The following PIK3CD variants were observed in gnomAD, a reference collection of about 807,000 sequenced individuals.
The protein encoded by PIK3CD is phosphatidylinositol-4,5-bisphosphate 3-kinase catalytic subunit delta, also known as phosphatidylinositol 4,5-bisphosphate 3-kinase catalytic subunit delta isoform.
PIK3CD carries 20 observed loss-of-function variants against 122.9 expected under a neutral mutation model. The ratio of observed to expected loss-of-function variants is 0.16; its 90% CI spans 0.11 to 0.24. PIK3CD has a LOEUF of 0.24. PIK3CD is among the 10% of genes least tolerant of loss of function. PIK3CD has a pLI of 1.00. For synonymous variants in PIK3CD, 596 were observed against 593.4 expected, an observed-to-expected ratio of 1.00 and a Z score of -0.06; for missense variants, 787 against 1,406.3, an observed-to-expected ratio of 0.56 and a Z score of 7.04.
In PIK3CD at chr1:9,720,914, G is replaced by GA; in HGVS notation, c.1689+5_1689+6insA. ...AAGCATGAGGATGTGGCCCAGGTGG[G>GA]TGGGGAGGCGCACCTGGGGGCGGAG... On this transcript the variant is annotated splice_donor_region_variant and intron_variant, in intron 13 of 23. Coordinates refer to ENST00000377346, the MANE Select transcript of PIK3CD (RefSeq NM_005026.5). This position sits in a 1 kb window ranked among gnomAD's most constrained non-coding sequence, Gnocchi z 9.0. 6.3e-7 allele frequency: 1 copy of GA among 1,581,236 alleles called. No individual in the cohort carries two copies. Among genetic ancestry groups the GA allele is most frequent in the East Asian group, 2.3e-5 (1 of 43,112 alleles).
the PIK3CD span, among the ~76,000 whole-genome samples, chr1:9,646,098 C>A: frequency 6.6e-6 from 1 of 151,814 alleles, no homozygotes; most frequent in East Asian, 1.9e-4. Context: ...AGGACAGAGG[C>A]CTAACGAGAC....
rs1001240461 is a variant in PIK3CD, at chr1:9,704,365, T to C, written c.-32-6059T>C. Among the ~76,000 whole-genome samples the C allele has an allele frequency of 6.6e-6, 1 of 152,196 alleles. No homozygotes were observed. The highest frequency in any genetic ancestry group is 2.4e-5 in the African/African-American group (1 of 41,444). On this transcript the variant is annotated intron_variant, in intron 2 of 23. Transcript: ENST00000377346. This position sits in a 1 kb window ranked among gnomAD's most constrained non-coding sequence, Gnocchi z 5.0. ...GTTGGAGTCCCTGGGAGCTCATGCC[T>C]CATGTGCTCATCTTGGGCCTCACCA...
the PIK3CD span, among the ~76,000 whole-genome samples, chr1:9,639,250 C>G: frequency 1.3e-5 from 2 of 151,992 alleles, no homozygotes; most frequent in Non-Finnish European, 2.9e-5. Context: ...TGGGGATTCA[C>G]GTGGGGTTAC....
At chr1:9,713,478 T>C (rs1256712774) in intron 3 of PIK3CD, among the ~76,000 whole-genome samples, 1 of 152,212 alleles carries the variant, frequency 6.6e-6, no homozygotes, top group Admixed American at 6.5e-5. Context: ...GCCTGTTTTC[T>C]CCTCTATGTA....
At chr1:9,692,648 T>C (rs1173883546) in intron 2 of PIK3CD, among the ~76,000 whole-genome samples, 1 of 152,156 alleles carries the variant, frequency 6.6e-6, no homozygotes, top group Non-Finnish European at 1.5e-5. Flanking sequence ...GAGAATCACT[T>C]GAACCCAGGA....
At chr1:9,680,916 G>A (rs983130607) in intron 1 of PIK3CD, 1 of 152,216 alleles carries the variant, frequency 6.6e-6, no homozygotes, top group Non-Finnish European at 1.5e-5. Context: ...TCGTTGGGTG[G>A]TTCCGGTCCA....
At chr1:9,714,726 G>A (rs567314096) in intron 3 of PIK3CD, among the ~76,000 whole-genome samples, 8 of 152,202 alleles carry the variant, frequency 5.3e-5, no homozygotes, top group African/African-American at 1.4e-4. Flanking sequence ...CTCCTTTCCC[G>A]TCTTCTTTGT....
At chr1:9,657,585 C>G (rs778352502) in intron 1 of PIK3CD, among the ~76,000 whole-genome samples, 3 of 151,978 alleles carry the variant, frequency 2.0e-5, no homozygotes, top group Admixed American at 6.6e-5. Context: ...CCTGGGGTCC[C>G]AGGAGCAGAA....
chr1:9,655,446 GCC>G (rs59942799), intron 1 of PIK3CD, among the ~76,000 whole-genome samples: 13 of 76,948 alleles, frequency 1.7e-4, no homozygotes, highest in African/African-American at 5.1e-4. Context: ...GGAACCCCCC[GCC>G]CCCCCCCCTT....
In PIK3CD at chr1:9,704,048, G is replaced by A. The variant is rs976715513; in HGVS notation, c.-32-6376G>A. On this transcript the variant is annotated intron_variant, in intron 2 of 23. Transcript: ENST00000377346. This position sits in a 1 kb window ranked among gnomAD's most constrained non-coding sequence, Gnocchi z 5.0. The stretch of plus-strand genomic sequence containing the variant: ...TACATATCAGAGAGCTATGGTTCTG[G>A]GCTTCATTCAGGGAAGAGTTAGGGC... Among the ~76,000 whole-genome samples, 1 of 152,098 alleles carries A rather than the reference G, an allele frequency of 6.6e-6. No individual in the cohort carries two copies. The highest frequency in any genetic ancestry group is 1.5e-5 in the Non-Finnish European group (1 of 68,032).
chr1:9,633,063 A>T, the PIK3CD span, among the ~76,000 whole-genome samples: 1 of 151,828 alleles, frequency 6.6e-6, no homozygotes, highest in Non-Finnish European at 1.5e-5. Context: ...AGGTTTCACC[A>T]TGTTAGCCAG....
At chr1:9,634,113 A>AGGTGTGTG in the PIK3CD span, among the ~76,000 whole-genome samples, 1 of 146,660 alleles carries the variant, frequency 6.8e-6, no homozygotes, top group African/African-American at 2.5e-5. Flanking sequence ...CTGGGACCAC[A>AGGTGTGTG]GGTGTGTGCC....
chr1:9,630,081 G>A, the PIK3CD span, among the ~76,000 whole-genome samples: 2 of 152,316 alleles, frequency 1.3e-5, no homozygotes, highest in South Asian at 2.1e-4. Flanking sequence ...TGGCCCACGG[G>A]GGGAGCAGAG....
rs1036585473 is a variant in PIK3CD at position 9,689,055 on chromosome 1, T to C, written c.-137-2412T>C. ...CTGGATTTGAGCCCAGAGCCCGGGC[T>C]GGCCAATTACTCGAGTGAGTCTGGC... On this transcript the variant is annotated intron_variant, in intron 1 of 23. Coordinates refer to ENST00000377346, the MANE Select transcript of PIK3CD (RefSeq NM_005026.5). This position sits in a 1 kb window ranked among gnomAD's most constrained non-coding sequence, Gnocchi z 6.1. Among the ~76,000 whole-genome samples, 6 of 152,246 alleles carry C rather than the reference T, an allele frequency of 3.9e-5. No homozygotes were observed. Among genetic ancestry groups the C allele is most frequent in the Non-Finnish European group, 7.3e-5 (5 of 68,040 alleles).
At chr1:9,707,682 A>T (rs1646891302) in intron 2 of PIK3CD, among the ~76,000 whole-genome samples, 1 of 152,096 alleles carries the variant, frequency 6.6e-6, no homozygotes, top group Non-Finnish European at 1.5e-5. Context: ...CTTGCAAAGG[A>T]CATGATCTCT....
chr1:9,629,481 C>T, the PIK3CD span, among the ~76,000 whole-genome samples: 8 of 146,430 alleles, frequency 5.5e-5, no homozygotes, highest in South Asian at 4.4e-4. Flanking sequence ...CCACCCACCA[C>T]GCTCAGAGGC....
chr1:9,722,987 C>A lies in PIK3CD; in HGVS notation c.2427-138C>A. 1 of 867,480 alleles carries A rather than the reference C, an allele frequency of 1.2e-6. No homozygotes were observed. The highest frequency in any genetic ancestry group is 1.9e-6 in the Non-Finnish European group (1 of 513,112). 53.7% of individuals were successfully genotyped at this position (867,480 alleles called of 1,614,324 possible). Reference sequence around the variant, plus strand: ...GCCGGCATCTCCAAGGAGCCAGCATCTCTCACCTGCTTTTTAGCAATGTGG... The same window carrying A: ...GCCGGCATCTCCAAGGAGCCAGCATATCTCACCTGCTTTTTAGCAATGTGG... On this transcript the variant is annotated intron_variant, in intron 19 of 23. Coordinates refer to ENST00000377346, the MANE Select transcript of PIK3CD (RefSeq NM_005026.5). The surrounding 1 kb of genome is among the most constrained non-coding windows in gnomAD (Gnocchi z 7.6).
Position 9,716,866 on chromosome 1 carries a change from G to A in PIK3CD, c.781-93G>A. ...CTCCCCTCTCCCAAGGCCTAGGACA[G>A]GCAGTGGGCAGCTTGGGGGGTCCTG... On this transcript the variant is annotated intron_variant, in intron 6 of 23. Coordinates refer to ENST00000377346, the MANE Select transcript of PIK3CD (RefSeq NM_005026.5). 8.3e-6 allele frequency: 13 copies of A among 1,561,128 alleles called. No individual in the cohort carries two copies. The South Asian group carries it at 1.3e-4, about 16-fold the overall frequency.
Position 9,717,074 on chromosome 1 carries a change from C to G in PIK3CD, c.896C>G (p.Pro299Arg). ...QSNPAPQVQKPRAKPPPIPAK... is the reference protein window; with the variant it reads ...QSNPAPQVQKRRAKPPPIPAK... ...AACCCTGCCCCCCAGGTCCAGAAAC[C>G]GCGTGCCAAACCACCTCCCATTCCT... is the stretch of plus-strand genomic sequence containing the variant. The change falls in exon 7 of 24, where the codon CCG (proline) becomes CGG (arginine). Residue 299 changes from proline to arginine, a missense_variant. Around this residue, in one of 6 missense-constraint regions of PIK3CD, gnomAD observed 592 missense variants for 920.6 expected, o/e 0.64. Coordinates refer to ENST00000377346, the MANE Select transcript of PIK3CD (RefSeq NM_005026.5). This position sits in a 1 kb window ranked among gnomAD's most constrained non-coding sequence, Gnocchi z 5.4. 6.2e-7 allele frequency: 1 copy of G among 1,614,020 alleles called. No individual in the cohort carries two copies. Among genetic ancestry groups the G allele is most frequent in the Non-Finnish European group, 8.5e-7 (1 of 1,180,040 alleles).
Sources: gnomAD v4.1 joint callset for allele counts (sites outside exome capture counted in the v4.1 genomes callset) on GRCh38, gnomAD v4.1.1 for gene constraint, gnomAD v4.1.1 regional missense constraint, Gnocchi (gnomAD v3.1) non-coding constraint, MANE v1.5 for transcripts, NCBI Gene and HGNC (gene_info 2026-07-23, HGNC 2026-07-21) for gene names.